The following BBX variants were observed in gnomAD, a reference collection of about 807,000 sequenced individuals.
BBX encodes HMG box transcription factor BBX.
Under a neutral mutation model 100.2 loss-of-function variants are expected in BBX, and 30 were observed. That is an observed-to-expected ratio of 0.30 (90% CI 0.22 to 0.41). The LOEUF (loss-of-function observed/expected upper bound fraction) is 0.41, where lower values mean the gene tolerates loss of function less well. Among genes scored for constraint, BBX ranks in the 10% least tolerant of loss-of-function variants. The pLI is 1.00. For missense variants in BBX, 1,023 were observed against 1,129.8 expected, an observed-to-expected ratio of 0.91 and a Z score of 1.35; for synonymous variants, 376 against 388.1, an observed-to-expected ratio of 0.97 and a Z score of 0.37.
In BBX at chr3:107,763,595, C is replaced by T. The variant is rs1303517876; in HGVS notation, c.906+7917C>T. Among the ~76,000 whole-genome samples the T allele has an allele frequency of 9.9e-5, 15 of 152,106 alleles. 1 individual carries two copies. Among genetic ancestry groups the T allele is most frequent in the African/African-American group, 2.7e-4 (11 of 41,424 alleles). On this transcript the variant is annotated intron_variant, in intron 10 of 17. Transcript: ENST00000325805. Reference sequence around the variant, plus strand: ...ACCTGAACTAAAAGTGTGACAGTCCCCCTGAACCCAGGAACATAAAATATA... The same window carrying T: ...ACCTGAACTAAAAGTGTGACAGTCCTCCTGAACCCAGGAACATAAAATATA...
At chr3:107,536,897 A>G (rs373240398) in intron 2 of BBX, among the ~76,000 whole-genome samples, 2 of 152,314 alleles carry the variant, frequency 1.3e-5, no homozygotes, top group African/African-American at 4.8e-5. Flanking sequence ...AATTGTTTTA[A>G]TAGATATGGT....
chr3:107,564,984 C>A (rs1317807636), intron 2 of BBX, among the ~76,000 whole-genome samples: 1 of 152,128 alleles, frequency 6.6e-6, no homozygotes, highest in Non-Finnish European at 1.5e-5. Flanking sequence ...TCCATTTATT[C>A]AAGCTTTTTC....
At chr3:107,659,878 A>G in intron 3 of BBX, 2 of 546,056 alleles carry the variant, frequency 3.7e-6, no homozygotes, top group Non-Finnish European at 5.7e-6. Flanking sequence ...ATAAATTAAG[A>G]GGGACGTATA....
At chr3:107,733,150 CTCTT>C in intron 7 of BBX, 127 bp downstream of exon 7, 1 of 794,144 alleles carries the variant, frequency 1.3e-6, no homozygotes, top group Non-Finnish European at 1.9e-6. Context: ...TATAATCTTT[CTCTT>C]TAAGATCTTT....
At chr3:107,608,191 T>C (rs916220061) in intron 2 of BBX, among the ~76,000 whole-genome samples, 9 of 152,224 alleles carry the variant, frequency 5.9e-5, no homozygotes, top group African/African-American at 2.2e-4. Flanking sequence ...GTTTCATAGT[T>C]TGAGGTCTTC....
At chr3:107,789,675 T>A (rs2068789835) in intron 13 of BBX, 112 bp from the exon 14 acceptor site, 2 of 722,152 alleles carry the variant, frequency 2.8e-6, no homozygotes, top group South Asian at 5.4e-5. Flanking sequence ...TTTATTGAGA[T>A]TCAATTTGCT....
intron 2 of BBX, among the ~76,000 whole-genome samples, chr3:107,532,595 C>T (rs1485539450): frequency 6.6e-6 from 1 of 152,158 alleles, no homozygotes; most frequent in Non-Finnish European, 1.5e-5. Flanking sequence ...ATGGGGAATA[C>T]ATTAAATCCC....
chr3:107,710,208 C>T (rs752673012), intron 3 of BBX, among the ~76,000 whole-genome samples: 19 of 152,148 alleles, frequency 1.2e-4, no homozygotes, highest in African/African-American at 1.9e-4. Context: ...TTTCACAAAA[C>T]GCAAATTTTA....
At chr3:107,653,046 A>G (rs1222442457) in intron 3 of BBX, among the ~76,000 whole-genome samples, 1 of 152,134 alleles carries the variant, frequency 6.6e-6, no homozygotes, top group Non-Finnish European at 1.5e-5. Context: ...CATTTCATTA[A>G]CCTATATTCC....
At chr3:107,603,459 A>G (rs147828028) in intron 2 of BBX, among the ~76,000 whole-genome samples, 8 of 151,534 alleles carry the variant, frequency 5.3e-5, no homozygotes, top group African/African-American at 1.7e-4. Flanking sequence ...GCTCACTGCA[A>G]CCTCTGCATC....
intron 2 of BBX, among the ~76,000 whole-genome samples, chr3:107,597,202 G>T (rs1256135317): frequency 6.6e-6 from 1 of 152,068 alleles, no homozygotes. Flanking sequence ...ACTACTGTTT[G>T]TGTGAAATTT....
chr3:107,648,513 A>G (rs1365880105), intron 3 of BBX, among the ~76,000 whole-genome samples: 2 of 152,168 alleles, frequency 1.3e-5, no homozygotes, highest in Non-Finnish European at 2.9e-5. Context: ...GAGAATGAGG[A>G]AATGGGTACT....
At chr3:107,705,371 C>G (rs1244360689) in intron 3 of BBX, among the ~76,000 whole-genome samples, 1 of 152,114 alleles carries the variant, frequency 6.6e-6, no homozygotes. Flanking sequence ...ACCACCGTGA[C>G]ACAGTTCAGT....
At chr3:107,621,075 C>T (rs933693362) in intron 2 of BBX, among the ~76,000 whole-genome samples, 6 of 152,104 alleles carry the variant, frequency 3.9e-5, no homozygotes, top group African/African-American at 1.4e-4. Flanking sequence ...CCATAGCCAG[C>T]ATTGGTTGGT....
At chr3:107,644,611 A>G (rs2057410419) in intron 2 of BBX, among the ~76,000 whole-genome samples, 1 of 152,192 alleles carries the variant, frequency 6.6e-6, no homozygotes, top group African/African-American at 2.4e-5. Flanking sequence ...TGGAATTGGC[A>G]TGCTGCTTTC....
chr3:107,608,066 T>C (rs2054578943), intron 2 of BBX, among the ~76,000 whole-genome samples: 1 of 152,170 alleles, frequency 6.6e-6, no homozygotes, highest in Admixed American at 6.5e-5. Flanking sequence ...TTTGACTTGA[T>C]ATGATCCCAT....
At chr3:107,673,081 T>C (rs1174804298) in intron 3 of BBX, among the ~76,000 whole-genome samples, 1 of 152,074 alleles carries the variant, frequency 6.6e-6, no homozygotes, top group Admixed American at 6.6e-5. Context: ...ATGTTCTGAC[T>C]TCTATAATTT....
chr3:107,573,785 G>T (rs2051561259), intron 2 of BBX, among the ~76,000 whole-genome samples: 1 of 152,074 alleles, frequency 6.6e-6, no homozygotes, highest in African/African-American at 2.4e-5. Context: ...GGAGTGCAAT[G>T]GCACGATCTC....
intron 3 of BBX, among the ~76,000 whole-genome samples, chr3:107,692,876 T>C (rs1402378123): frequency 4.1e-5 from 6 of 145,484 alleles, no homozygotes; most frequent in African/African-American, 1.0e-4. Flanking sequence ...CCTGACTTTT[T>C]AATGATTGCC....
Sources: allele counts gnomAD v4.1 joint callset (sites outside exome capture counted in the v4.1 genomes callset), GRCh38; gene constraint gnomAD v4.1.1; transcripts MANE v1.5; gene names NCBI Gene and HGNC (gene_info 2026-07-23, HGNC 2026-07-21).